The following KIAA1671 variants were observed in gnomAD, a reference collection of about 807,000 sequenced individuals.
The protein encoded by KIAA1671 is KIAA1671.
Under a neutral mutation model 131.2 loss-of-function variants are expected in KIAA1671, and 52 were observed. The ratio of observed to expected loss-of-function variants is 0.40; its 90% CI spans 0.32 to 0.50. The LOEUF is 0.50. Among genes scored for constraint, KIAA1671 ranks in the 20% least tolerant of loss-of-function variants. The pLI, the probability that KIAA1671 is intolerant of heterozygous loss-of-function variation, is 0.73. For missense variants in KIAA1671, 2,360 were observed against 2,364.2 expected (o/e 1.00, Z 0.04); for synonymous variants, 1,003 against 961.6 (o/e 1.04, Z -0.80).
At chr22:25,121,696 A>G (rs966439782) in intron 6 of KIAA1671, among the ~76,000 whole-genome samples, 1 of 152,224 alleles carries the variant, frequency 6.6e-6, no homozygotes, top group Non-Finnish European at 1.5e-5. Context: ...GATGGGCAGT[A>G]GATTACTGTT....
intron 1 of KIAA1671, among the ~76,000 whole-genome samples, chr22:25,021,880 G>A (rs1022345811): frequency 1.1e-4 from 17 of 151,888 alleles, no homozygotes; most frequent in African/African-American, 3.9e-4. Context: ...TCCACCTCCC[G>A]GGTTCACGCC....
chr22:24,990,165 G>A lies in KIAA1671; in HGVS notation c.-207-35468G>A, dbSNP rs190959060. 6.6e-3 allele frequency among the ~76,000 whole-genome samples: 1,008 copies of A among 151,916 alleles called. 13 individuals carry two copies. The highest frequency in any genetic ancestry group is 0.023 in the African/African-American group (963 of 41,464). On this transcript the variant is annotated intron_variant, in intron 1 of 12. Coordinates refer to ENST00000358431, the MANE Select transcript of KIAA1671 (RefSeq NM_001145206.2). ...GAGTGAGTTGGTGTGATCTCAGCTC[G>A]CTGCAACCTCTGCCTCCCGAGTTCA...
At chr22:25,174,157 T>C (rs1288060823) in intron 7 of KIAA1671, 83 bp from the exon 8 acceptor site, 2 of 1,442,918 alleles carry the variant, frequency 1.4e-6, no homozygotes, top group Non-Finnish European at 1.9e-6. Context: ...CAAGCTATGC[T>C]GCCTGCAGCA....
intron 10 of KIAA1671, among the ~76,000 whole-genome samples, chr22:25,183,252 G>A (rs534392975): frequency 5.3e-5 from 8 of 152,332 alleles, no homozygotes; most frequent in Admixed American, 1.3e-4. Context: ...TGGGAGCGCC[G>A]TGACTCTGTT....
At chr22:25,012,212 T>C (rs1455723143) in intron 1 of KIAA1671, 1 of 152,170 alleles carries the variant, frequency 6.6e-6, no homozygotes, top group Non-Finnish European at 1.5e-5. Flanking sequence ...CAAGAGTTAT[T>C]ACTGTATCCA....
At chr22:25,173,539 G>T (rs1296712054) in intron 7 of KIAA1671, among the ~76,000 whole-genome samples, 1 of 152,142 alleles carries the variant, frequency 6.6e-6, no homozygotes, top group Non-Finnish European at 1.5e-5. Flanking sequence ...ACAACATGAT[G>T]ATTTGATCCT....
chr22:25,070,468 TCTC>T (rs1421331912), intron 6 of KIAA1671: 4 of 429,572 alleles, frequency 9.3e-6, no homozygotes, highest in African/African-American at 2.0e-5. Flanking sequence ...GTCCTTTCCC[TCTC>T]CTCCTGCTTC....
intron 7 of KIAA1671, among the ~76,000 whole-genome samples, chr22:25,173,897 T>A (rs1444827294): frequency 1.3e-5 from 2 of 152,194 alleles, no homozygotes; most frequent in Non-Finnish European, 2.9e-5. Flanking sequence ...GCTCACGGCA[T>A]ATCTCAGCTC....
At chr22:24,979,454 A>T (rs1425648610) in intron 1 of KIAA1671, among the ~76,000 whole-genome samples, 2 of 150,006 alleles carry the variant, frequency 1.3e-5, no homozygotes, top group Non-Finnish European at 3.0e-5. Flanking sequence ...GGTTCATGCC[A>T]TTCTCCTGCC....
At chr22:25,084,977 C>T (rs780547316) in intron 6 of KIAA1671, among the ~76,000 whole-genome samples, 1 of 152,260 alleles carries the variant, frequency 6.6e-6, no homozygotes, top group Non-Finnish European at 1.5e-5. Context: ...AAACGCCACA[C>T]TTCCCTTTAT....
chr22:25,072,556 G>A (rs987665249), intron 6 of KIAA1671, among the ~76,000 whole-genome samples: 3 of 152,112 alleles, frequency 2.0e-5, no homozygotes, highest in African/African-American at 7.2e-5. Flanking sequence ...ACAAGACCGG[G>A]ATCTTAGATT....
intron 6 of KIAA1671, among the ~76,000 whole-genome samples, chr22:25,141,268 T>C (rs1486472414): frequency 6.6e-6 from 1 of 152,138 alleles, no homozygotes; most frequent in Non-Finnish European, 1.5e-5. Flanking sequence ...AGTCTCACTC[T>C]GTCGCCCAGG....
intron 11 of KIAA1671, chr22:25,185,384 C>T (rs774178975): frequency 2.3e-6 from 1 of 427,100 alleles, no homozygotes; most frequent in Non-Finnish European, 4.1e-6. Context: ...AACGCCAGGG[C>T]ACCATTGCTG....
At chr22:25,093,798 C>CTCTCTCTT (rs1930222042) in intron 6 of KIAA1671, among the ~76,000 whole-genome samples, 1 of 140,480 alleles carries the variant, frequency 7.1e-6, no homozygotes, top group African/African-American at 2.8e-5. Flanking sequence ...CTCTCTCTCT[C>CTCTCTCTT]TCTCTCTCTC....
chr22:25,026,236 T>A (rs1925936192), intron 2 of KIAA1671, among the ~76,000 whole-genome samples: 1 of 151,994 alleles, frequency 6.6e-6, no homozygotes, highest in African/African-American at 2.4e-5. Context: ...GGGAGCAGTG[T>A]GGGGCCCCAA....
intron 6 of KIAA1671, among the ~76,000 whole-genome samples, chr22:25,093,834 G>T (rs8137988): frequency 0.01 from 172 of 16,922 alleles, 21 homozygotes; most frequent in East Asian, 0.02. Flanking sequence ...TTCTCTCTCT[G>T]TCTGTCTCTC....
intron 6 of KIAA1671, chr22:25,058,140 A>G (rs1927955088): frequency 6.6e-6 from 1 of 152,216 alleles, no homozygotes; most frequent in African/African-American, 2.4e-5. Flanking sequence ...CCCAGGTCAC[A>G]TCCCAGAAAT....
chr22:25,167,372 G>A (rs557798743), intron 6 of KIAA1671, among the ~76,000 whole-genome samples: 25 of 152,282 alleles, frequency 1.6e-4, no homozygotes, highest in African/African-American at 6.0e-4. Flanking sequence ...TGTTGATTTA[G>A]CCTCAGGGGT....
intron 6 of KIAA1671, among the ~76,000 whole-genome samples, chr22:25,073,154 TC>T (rs1186994585): frequency 6.6e-6 from 1 of 152,142 alleles, no homozygotes; most frequent in Non-Finnish European, 1.5e-5. Context: ...TGCAGCCTTG[TC>T]CTCCTGAGCT....
Sources: allele counts gnomAD v4.1 joint callset (sites outside exome capture counted in the v4.1 genomes callset), GRCh38; gene constraint gnomAD v4.1.1; transcripts MANE v1.5; gene names NCBI Gene and HGNC (gene_info 2026-07-23, HGNC 2026-07-21).